Variants in CHL1 observed in about 807,000 individuals in gnomAD.
The protein encoded by CHL1 is cell adhesion molecule L1 like, also known as neural cell adhesion molecule L1-like protein.
Under a neutral mutation model 141.9 loss-of-function variants are expected in CHL1, and 96 were observed. The observed-to-expected ratio is 0.68, with a 90% CI of 0.57 to 0.80. CHL1 has a LOEUF of 0.80. CHL1 is among the 30% of genes least tolerant of loss of function. CHL1 has a pLI of 0.00. For missense variants in CHL1, 1,820 were observed against 1,457.2 expected, an observed-to-expected ratio of 1.25 and a Z score of -4.05; for synonymous variants, 613 against 502.2, an observed-to-expected ratio of 1.22 and a Z score of -2.95.
chr3:391,589 C>G lies in CHL1; in HGVS notation c.2792-86C>G, dbSNP rs530148517. The G allele has an allele frequency of 2.5e-5, 22 of 877,506 alleles. 1 individual carries two copies. In the South Asian group the frequency reaches 3.4e-4, roughly 14 times the overall value. The allele number at this position is 877,506 out of a possible 1,614,324, so 54.4% of individuals were successfully genotyped here. The stretch of plus-strand genomic sequence containing the variant: ...ATTTACTTCAGATGAGTTTGCTTGT[C>G]AATTTCTATAAAATTTATAATATAA... On this transcript the variant is annotated intron_variant, in intron 22 of 27. Transcript: ENST00000256509.
intron 9 of CHL1, among the ~76,000 whole-genome samples, chr3:348,016 CA>C (rs1258259144): frequency 1.3e-5 from 2 of 152,076 alleles, no homozygotes; most frequent in African/African-American, 4.8e-5. Context: ...ACTATCAATA[CA>C]AATAATTTGA....
chr3:299,332 A>G (rs1427982121), intron 2 of CHL1, among the ~76,000 whole-genome samples: 1 of 152,182 alleles, frequency 6.6e-6, no homozygotes, highest in South Asian at 2.1e-4. Context: ...AAGATGAAAG[A>G]CTTTAGGGGA....
At chr3:356,430 T>A (rs1185962122) in intron 11 of CHL1, among the ~76,000 whole-genome samples, 3 of 152,210 alleles carry the variant, frequency 2.0e-5, no homozygotes, top group Non-Finnish European at 4.4e-5. Context: ...GTACTTTCTA[T>A]GTTCCCGGCA....
At chr3:276,238 C>A (rs986498774) in intron 2 of CHL1, among the ~76,000 whole-genome samples, 2 of 151,904 alleles carry the variant, frequency 1.3e-5, no homozygotes, top group Non-Finnish European at 2.9e-5. Flanking sequence ...TATATTGCAC[C>A]ACCAATCATA....
chr3:384,159 TTTAA>T (rs1445524965), intron 19 of CHL1, among the ~76,000 whole-genome samples: 1 of 152,210 alleles, frequency 6.6e-6, no homozygotes, highest in African/African-American at 2.4e-5. Context: ...TTATTAATAA[TTTAA>T]TTAACAATAT....
At chr3:379,270 A>C (rs116283326) in intron 16 of CHL1, among the ~76,000 whole-genome samples, 1,749 of 152,308 alleles carry the variant, frequency 0.011, 12 homozygotes, top group Middle Eastern at 0.041. Context: ...ACAAATGGCC[A>C]TCAAGGTTGG....
rs1575114505 is a variant in CHL1, at chr3:341,860, A to T, written c.509-52A>T. Reference sequence around the variant, plus strand: ...TAAAAGAAAATGAAAAAGGAAGATGAAGCACAGTAAGGGACAATTGCCCTT... The same window carrying T: ...TAAAAGAAAATGAAAAAGGAAGATGTAGCACAGTAAGGGACAATTGCCCTT... On this transcript the variant is annotated intron_variant, in intron 6 of 27. Transcript: ENST00000256509. The T allele has an allele frequency of 4.4e-6, 6 of 1,364,556 alleles. No individual in the cohort carries two copies. In the East Asian group the frequency reaches 1.5e-4, roughly 33 times the overall value. 84.5% of individuals were successfully genotyped at this position (1,364,556 alleles called of 1,614,324 possible).
At chr3:346,529 C>A (rs755944072) in intron 9 of CHL1, among the ~76,000 whole-genome samples, 1 of 152,116 alleles carries the variant, frequency 6.6e-6, no homozygotes, top group South Asian at 2.1e-4. Context: ...CTAGCAACTG[C>A]GCAGAATGTC....
At chr3:258,096 A>C (rs1271576442) in intron 2 of CHL1, among the ~76,000 whole-genome samples, 2 of 152,198 alleles carry the variant, frequency 1.3e-5, no homozygotes, top group South Asian at 2.1e-4. Context: ...GCAAACCTTG[A>C]AAACACCTGC....
At chr3:204,468 G>T (rs148098579) in intron 1 of CHL1, among the ~76,000 whole-genome samples, 1 of 152,350 alleles carries the variant, frequency 6.6e-6, no homozygotes, top group Middle Eastern at 3.4e-3. Flanking sequence ...GCATCTTAAT[G>T]TGAGGAATTT....
chr3:289,143 C>A (rs1273519042), intron 2 of CHL1, among the ~76,000 whole-genome samples: 1 of 152,156 alleles, frequency 6.6e-6, no homozygotes, highest in Non-Finnish European at 1.5e-5. Context: ...CTTAGTTTTA[C>A]TCCTTTAATG....
chr3:394,624 G>A, intron 23 of CHL1, 69 bp from the exon 24 acceptor site: 1 of 1,130,556 alleles, frequency 8.8e-7, no homozygotes. Context: ...AAGGAGAAAT[G>A]AAAATAATGA....
intron 2 of CHL1, among the ~76,000 whole-genome samples, chr3:293,362 G>A (rs961100233): frequency 2.6e-5 from 4 of 152,094 alleles, no homozygotes; most frequent in Non-Finnish European, 4.4e-5. Context: ...AATTAGCCGG[G>A]CATGATGGCA....
chr3:366,545 G>C (rs1323625406), intron 15 of CHL1, among the ~76,000 whole-genome samples: 1 of 152,014 alleles, frequency 6.6e-6, no homozygotes, highest in East Asian at 1.9e-4. Context: ...CTGTCTTCAA[G>C]TCACTTCACT....
At chr3:355,192 C>T (rs772502125) in intron 11 of CHL1, among the ~76,000 whole-genome samples, 28 of 152,146 alleles carry the variant, frequency 1.8e-4, no homozygotes, top group Non-Finnish European at 3.7e-4. Context: ...GGGCTCTGCC[C>T]TTTTAAGGGA....
intron 15 of CHL1, among the ~76,000 whole-genome samples, chr3:377,206 G>A (rs1022928054): frequency 1.5e-4 from 23 of 152,146 alleles, no homozygotes; most frequent in African/African-American, 5.3e-4. Flanking sequence ...AAAAACAAAT[G>A]ATAAAAAGTG....
intron 19 of CHL1, among the ~76,000 whole-genome samples, chr3:384,852 GC>G (rs1287533756): frequency 6.6e-6 from 1 of 152,076 alleles, no homozygotes; most frequent in African/African-American, 2.4e-5. Flanking sequence ...AGTTTAGTTT[GC>G]TTTTTATCCT....
intron 5 of CHL1, among the ~76,000 whole-genome samples, chr3:337,541 G>T (rs544665541): frequency 1.0e-5 from 1 of 98,880 alleles, no homozygotes; most frequent in African/African-American, 3.9e-5. Context: ...AACAGGCCCC[G>T]GTGTGTGATG....
At chr3:389,149 C>A in intron 19 of CHL1, 103 bp from the exon 20 acceptor site, 1 of 898,964 alleles carries the variant, frequency 1.1e-6, no homozygotes, top group Non-Finnish European at 1.7e-6. Flanking sequence ...CAACAAATGA[C>A]CATTTCATTA....
Sources: allele counts gnomAD v4.1 joint callset (sites outside exome capture counted in the v4.1 genomes callset), GRCh38; gene constraint gnomAD v4.1.1; transcripts MANE v1.5; gene names NCBI Gene and HGNC (gene_info 2026-07-23, HGNC 2026-07-21).